Variants in G6PD observed in about 807,000 individuals in gnomAD.
The protein encoded by G6PD is glucose-6-phosphate 1-dehydrogenase.
G6PD carries 2 observed loss-of-function variants against 38.2 expected under a neutral mutation model. That is an observed-to-expected ratio of 0.05 (90% CI 0.02 to 0.16). The LOEUF (loss-of-function observed/expected upper bound fraction) is 0.16, where lower values mean the gene tolerates loss of function less well. G6PD is among the 10% of genes least tolerant of loss of function. The pLI is 1.00. For synonymous variants in G6PD, 188 were observed against 196.0 expected (o/e 0.96, Z 0.34); for missense variants, 310 against 471.6 (o/e 0.66, Z 3.17).
upstream of G6PD, chrX:154,547,391 T>C (rs2070773136): frequency 2.7e-6 from 2 of 754,196 alleles, no homozygotes; most frequent in Non-Finnish European, 3.1e-6. Context: ...GCCCCGAGGC[T>C]AGACGCCGCC....
In G6PD at chrX:154,545,411, G is replaced by C. The variant is rs1603414808; in HGVS notation, c.120+625C>G. Among the ~76,000 whole-genome samples, 4 of 112,015 alleles carry C rather than the reference G, an allele frequency of 3.6e-5. No homozygotes were observed. In the South Asian group the frequency reaches 1.5e-3, roughly 41 times the overall value. On this transcript the variant is annotated intron_variant, in intron 2 of 12. Coordinates refer to ENST00000393562, the MANE Select transcript of G6PD (RefSeq NM_001360016.2). Reference sequence around the variant, plus strand: ...CTTTGGAACTCATTTGTTAAGGCATGAACAGGTCTGAAAAAACTACAGAAT... The same window carrying C: ...CTTTGGAACTCATTTGTTAAGGCATCAACAGGTCTGAAAAAACTACAGAAT...
At chrX:154,542,216 C>G (rs1353738400) in intron 2 of G6PD, 1 of 879,702 alleles carries the variant, frequency 1.1e-6, no homozygotes, top group African/African-American at 2.0e-5. Flanking sequence ...TGGGTCATCC[C>G]TCCCACAGGC....
At chrX:154,542,136 C>A (rs2070526548) in intron 2 of G6PD, 3 of 465,198 alleles carry the variant, frequency 6.4e-6, no homozygotes, top group Non-Finnish European at 1.1e-5. Flanking sequence ...CATGACACAG[C>A]AAGAATCTTA....
chrX:154,545,582 C>T (rs1321854072), intron 2 of G6PD, among the ~76,000 whole-genome samples: 1 of 111,752 alleles, frequency 8.9e-6, no homozygotes, highest in Non-Finnish European at 1.9e-5. Context: ...TGCCTGTCAT[C>T]CCAGCACTTT....
intron 1 of G6PD, among the ~76,000 whole-genome samples, chrX:154,546,521 G>T (rs1035139290): frequency 3.6e-5 from 4 of 111,623 alleles, no homozygotes; most frequent in Non-Finnish European, 5.7e-5. Flanking sequence ...ACTCCACAAT[G>T]ACCTGGAGCA....
intron 5 of G6PD, 73 bp downstream of exon 5, chrX:154,535,095 C>T (rs1230215420): frequency 4.9e-6 from 5 of 1,025,325 alleles, no homozygotes; most frequent in Admixed American, 2.2e-5. Flanking sequence ...GCCCCGGACA[C>T]GCTCATAGAG....
chrX:154,544,257 A>G (rs1382685798), intron 2 of G6PD, among the ~76,000 whole-genome samples: 3 of 109,866 alleles, frequency 2.7e-5, no homozygotes, highest in Admixed American at 9.7e-5. Context: ...TGACTCCCTG[A>G]TTCAAGCGAT....
intron 5 of G6PD, 142 bp downstream of exon 5, chrX:154,535,026 G>T: frequency 8.2e-6 from 5 of 611,644 alleles, no homozygotes; most frequent in Non-Finnish European, 1.4e-5. Flanking sequence ...GAGCAACGCT[G>T]CCACCTTGTG....
At chrX:154,544,008 A>G (rs1432862267) in intron 2 of G6PD, among the ~76,000 whole-genome samples, 1 of 108,707 alleles carries the variant, frequency 9.2e-6, no homozygotes, top group Admixed American at 9.9e-5. Flanking sequence ...GCTGGACTAC[A>G]GGTGCCCACA....
intron 8 of G6PD, 151 bp from the exon 9 acceptor site, chrX:154,533,279 C>T (rs1278646923): frequency 1.3e-5 from 8 of 629,436 alleles, no homozygotes; most frequent in African/African-American, 2.2e-5. Context: ...AGGGCCCCTC[C>T]CTGAGGACCC....
In G6PD at chrX:154,532,531, G is replaced by A. The variant is rs782172337; in HGVS notation, c.1287+36C>T. The A allele has an allele frequency of 5.3e-5, 64 of 1,204,929 alleles. No homozygotes were observed. The Admixed American group carries it at 9.4e-4, about 18-fold the overall frequency. On this transcript the variant is annotated intron_variant, in intron 10 of 12. Coordinates refer to ENST00000393562, the MANE Select transcript of G6PD (RefSeq NM_001360016.2). ...ATGTGGAGTCCCCCGGGCCCAGGCCGCCCACCCTCCACACTGCTCCTTCTC... is the reference window on the plus strand; with the variant it reads ...ATGTGGAGTCCCCCGGGCCCAGGCCACCCACCCTCCACACTGCTCCTTCTC...
chrX:154,533,488 TG>T, intron 8 of G6PD, 87 bp downstream of exon 8: 2 of 1,113,488 alleles, frequency 1.8e-6, no homozygotes, highest in Non-Finnish European at 2.4e-6. Context: ...TGAGGACACC[TG>T]CTCTGCATGC....
At position 154,532,472 on chromosome X, in the gene G6PD, A is replaced by G; in HGVS notation, c.1288-10T>C. 1.7e-6 allele frequency: 2 copies of G among 1,207,532 alleles called. No homozygotes were observed. The highest frequency in any genetic ancestry group is 1.8e-5 in the South Asian group (1 of 56,996). ...CAGGGAGCTTCACGTTCTGTGAGGG[A>G]GAGAGTGTCTTGCTGATGCCACTGC... is the stretch of plus-strand genomic sequence containing the variant. On this transcript the variant is annotated splice_polypyrimidine_tract_variant and intron_variant, in intron 10 of 12. Coordinates refer to ENST00000393562, the MANE Select transcript of G6PD (RefSeq NM_001360016.2).
At chrX:154,536,292 G>T in intron 2 of G6PD, 114 bp from the exon 3 acceptor site, 1 of 712,450 alleles carries the variant, frequency 1.4e-6, no homozygotes, top group Non-Finnish European at 2.2e-6. Context: ...TGGGCCACAA[G>T]CATGTCTGTC....
At chrX:154,547,131 C>T, upstream of G6PD, 1 of 149,218 alleles carries the variant, frequency 6.7e-6, no homozygotes, top group Non-Finnish European at 1.2e-5. Context: ...GCTCCCGCAT[C>T]CCCATCGCCG....
At chrX:154,533,198 A>ACTGTGTCAGAGGG in intron 8 of G6PD, 70 bp from the exon 9 acceptor site, 1 of 1,105,545 alleles carries the variant, frequency 9.0e-7, no homozygotes, top group South Asian at 1.9e-5. Context: ...GACTGTGGCC[A>ACTGTGTCAGAGGG]CAGATGTGCA....
chrX:154,536,018 G>C lies in G6PD; in HGVS notation c.186C>G (p.Pro62=). 1.7e-6 allele frequency: 2 copies of C among 1,211,829 alleles called. No homozygotes were observed. Among genetic ancestry groups the C allele is most frequent in the Non-Finnish European group, 2.2e-6 (2 of 895,333 alleles). Residue 62 remains proline, a synonymous_variant, in exon 4 of 13, where the codon CCC becomes CCG. Coordinates refer to ENST00000393562, the MANE Select transcript of G6PD (RefSeq NM_001360016.2). ...CATAGCCCACGATGAAGGTGTTTTC[G>C]GGCAGAAGGCCATCCCGGAACAGCC... The part of the protein sequence containing the change: ...IWWLFRDGLL[P]ENTFIVGYAR...
chrX:154,534,637 T>G, intron 5 of G6PD, 141 bp from the exon 6 acceptor site: 1 of 686,196 alleles, frequency 1.5e-6, no homozygotes, highest in Non-Finnish European at 2.2e-6. Flanking sequence ...GTGCCTTGTG[T>G]TCCCAGATGA....
rs1231036704 is a variant in G6PD at position 154,544,224 on chromosome X, C to T, written c.120+1812G>A. 3.7e-5 allele frequency among the ~76,000 whole-genome samples: 4 copies of T among 108,523 alleles called. No homozygotes were observed. The East Asian group carries it at 8.7e-4, about 24-fold the overall frequency. 94.2% of individuals were successfully genotyped at this position (108,523 alleles called of 115,157 possible). On this transcript the variant is annotated intron_variant, in intron 2 of 12. Transcript: ENST00000393562. The stretch of plus-strand genomic sequence containing the variant: ...GTCGCCAGGCTGGAGTGCAGTGGCG[C>T]GATCTCAGCTCACTGCAACCTCTGA...
Sources: allele counts gnomAD v4.1 joint callset (sites outside exome capture counted in the v4.1 genomes callset), GRCh38; gene constraint gnomAD v4.1.1; transcripts MANE v1.5; gene names NCBI Gene and HGNC (gene_info 2026-07-23, HGNC 2026-07-21).